Variants in RASAL2 observed in about 807,000 individuals in gnomAD.
RASAL2 encodes RAS protein activator like 2, also known as ras GTPase-activating protein nGAP.
RASAL2 carries 58 observed loss-of-function variants against 128.9 expected under a neutral mutation model. The ratio of observed to expected loss-of-function variants is 0.45; its 90% confidence interval spans 0.36 to 0.56. RASAL2 has a LOEUF of 0.56. RASAL2 is among the 20% of genes least tolerant of loss of function. RASAL2 has a pLI of 0.00. For synonymous variants in RASAL2, 561 were observed against 580.8 expected, an observed-to-expected ratio of 0.97 and a Z score of 0.49; for missense variants, 1,360 against 1,601.6, an observed-to-expected ratio of 0.85 and a Z score of 2.57.
At chr1:178,179,531 A>G (rs1662015504) in intron 1 of RASAL2, among the ~76,000 whole-genome samples, 1 of 152,200 alleles carries the variant, frequency 6.6e-6, no homozygotes, top group South Asian at 2.1e-4. Context: ...GGTAGTGAGC[A>G]AAGTTGAGGG....
At chr1:178,168,166 T>C (rs1308633827) in intron 1 of RASAL2, among the ~76,000 whole-genome samples, 2 of 152,028 alleles carry the variant, frequency 1.3e-5, no homozygotes, top group Non-Finnish European at 2.9e-5. Context: ...CTGTACACTT[T>C]TAAACTTAAA....
intron 1 of RASAL2, among the ~76,000 whole-genome samples, chr1:178,169,139 G>C (rs1450009573): frequency 6.6e-6 from 1 of 152,002 alleles, no homozygotes; most frequent in African/African-American, 2.4e-5. Flanking sequence ...TGTACCATTT[G>C]TCAATTTTCT....
intron 1 of RASAL2, among the ~76,000 whole-genome samples, chr1:178,236,411 A>G (rs1158476277): frequency 6.6e-6 from 1 of 152,174 alleles, no homozygotes; most frequent in Non-Finnish European, 1.5e-5. Context: ...GGATTTTAAG[A>G]GCTTAGACTA....
intron 9 of RASAL2, among the ~76,000 whole-genome samples, chr1:178,447,827 G>A (rs1677116192): frequency 6.6e-6 from 1 of 152,028 alleles, no homozygotes; most frequent in Non-Finnish European, 1.5e-5. Flanking sequence ...TTCAGTTTGT[G>A]GGAAGCAAGG....
chr1:178,340,995 G>C (rs571622263), intron 3 of RASAL2, among the ~76,000 whole-genome samples: 1 of 152,114 alleles, frequency 6.6e-6, no homozygotes, highest in Non-Finnish European at 1.5e-5. Flanking sequence ...AGATATTTCC[G>C]TTATGGTAAG....
intron 1 of RASAL2, among the ~76,000 whole-genome samples, chr1:178,098,413 CT>C (rs1280606729): frequency 2.6e-5 from 4 of 152,166 alleles, no homozygotes; most frequent in Non-Finnish European, 4.4e-5. Context: ...AGTCAATTGG[CT>C]GAAAAAGCTC....
At position 178,438,712 on chromosome 1, in the gene RASAL2, C is replaced by CT. The variant is rs898383672; in HGVS notation, c.675-702dup. On this transcript the variant is annotated intron_variant, in intron 5 of 17. Coordinates refer to ENST00000367649, the MANE Select transcript of RASAL2 (RefSeq NM_170692.4). ...TCTCTCTTCTAGATGAGAGTTTGGG[C>CT]TTTTTTTTCCATGCTGGGAGGTTTC... Among the ~76,000 whole-genome samples, 261 of 151,684 alleles carry CT rather than the reference C, an allele frequency of 1.7e-3. 1 individual carries two copies. Among genetic ancestry groups the CT allele is most frequent in the African/African-American group, 6.1e-3 (253 of 41,372 alleles).
intron 3 of RASAL2, among the ~76,000 whole-genome samples, chr1:178,346,332 T>G (rs1207850439): frequency 1.3e-5 from 2 of 151,144 alleles, no homozygotes; most frequent in African/African-American, 4.9e-5. Context: ...AGCCCAGGAA[T>G]CAAGACTGCA....
At chr1:178,151,657 C>T (rs1274974559) in intron 1 of RASAL2, among the ~76,000 whole-genome samples, 1 of 152,174 alleles carries the variant, frequency 6.6e-6, no homozygotes, top group Non-Finnish European at 1.5e-5. Flanking sequence ...CTCCAATGAT[C>T]CAAGGCTCCT....
In RASAL2 at chr1:178,202,138, C is replaced by T. The variant is rs576105420; in HGVS notation, c.203-81426C>T. Among the ~76,000 whole-genome samples the T allele has an allele frequency of 1.3e-4, 20 of 152,238 alleles. 1 individual carries two copies. Among genetic ancestry groups the T allele is most frequent in the Non-Finnish European group, 2.2e-4 (15 of 68,018 alleles). On this transcript the variant is annotated intron_variant, in intron 1 of 17. Coordinates refer to ENST00000367649, the MANE Select transcript of RASAL2 (RefSeq NM_170692.4). Reference sequence around the variant, plus strand: ...TGTGGTCCTCCAGTTAAAGTAGTGGCTTATGGAGGTCAGGTAATTAATGGA... The same window carrying T: ...TGTGGTCCTCCAGTTAAAGTAGTGGTTTATGGAGGTCAGGTAATTAATGGA...
intron 9 of RASAL2, among the ~76,000 whole-genome samples, chr1:178,447,560 G>A (rs2102867654): frequency 6.7e-6 from 1 of 149,962 alleles, no homozygotes; most frequent in African/African-American, 2.5e-5. Context: ...TGTAATCCCA[G>A]CTAAGGAGGC....
At chr1:178,098,366 G>A (rs1028291238) in intron 1 of RASAL2, among the ~76,000 whole-genome samples, 6 of 152,206 alleles carry the variant, frequency 3.9e-5, no homozygotes, top group East Asian at 3.8e-4. Flanking sequence ...AGCATCAAAT[G>A]CAGAACATTT....
chr1:178,466,929 T>C lies in RASAL2; in HGVS notation c.3591-405T>C, dbSNP rs778039070. Among the ~76,000 whole-genome samples the C allele has an allele frequency of 5.3e-5, 8 of 152,164 alleles. 1 individual carries two copies. The highest frequency in any genetic ancestry group is 7.4e-5 in the Non-Finnish European group (5 of 68,026). On this transcript the variant is annotated intron_variant, in intron 16 of 17. Transcript: ENST00000367649. ...TGTGAATGGCGGACAGAAAACAAGC[T>C]AAACATACTAGGTATAGAGTACTCA...
intron 1 of RASAL2, among the ~76,000 whole-genome samples, chr1:178,149,084 TA>T (rs1403481965): frequency 1.3e-5 from 2 of 152,154 alleles, no homozygotes; most frequent in Non-Finnish European, 2.9e-5. Context: ...ATGAATGATC[TA>T]AACCCATGTA....
At chr1:178,357,711 C>T (rs1229814032) in intron 3 of RASAL2, among the ~76,000 whole-genome samples, 16 of 152,066 alleles carry the variant, frequency 1.1e-4, no homozygotes, top group Admixed American at 6.6e-5. Context: ...CTTTCATACA[C>T]ATTTTTAAAT....
Position 178,283,797 on chromosome 1 carries a change from G to T in RASAL2, c.330+106G>T. The T allele has an allele frequency of 3.7e-6, 5 of 1,367,924 alleles. No homozygotes were observed. In the South Asian group the frequency reaches 5.1e-5, roughly 14 times the overall value. The allele number at this position is 1,367,924 out of a possible 1,614,324, so 84.7% of individuals were successfully genotyped here. ...GAAAAGTTGGATTATAAAAATAAAG[G>T]CTTGATGAAGATATAGGTAAGTCTA... On this transcript the variant is annotated intron_variant, in intron 2 of 17. Coordinates refer to ENST00000367649, the MANE Select transcript of RASAL2 (RefSeq NM_170692.4).
At position 178,465,984 on chromosome 1, in the gene RASAL2, A is replaced by G. The variant is rs376970415; in HGVS notation, c.3452A>G (p.Tyr1151Cys). The change falls in exon 16 of 18, where the codon TAT becomes TGT. Residue 1151 changes from tyrosine (Y) to cysteine (C), a missense_variant. Coordinates refer to ENST00000367649, the MANE Select transcript of RASAL2 (RefSeq NM_170692.4). Reference protein sequence around the residue: ...LRVSSRRLEEYERRLLVQEQQ... With the variant: ...LRVSSRRLEECERRLLVQEQQ... ...GTTTCCAGCCGGCGACTGGAGGAAT[A>G]TGAACGCCGCTTGCTGGTGCAGGAG... 1.9e-6 allele frequency: 3 copies of G among 1,558,442 alleles called. No homozygotes were observed. Among genetic ancestry groups the G allele is most frequent in the Non-Finnish European group, 2.6e-6 (3 of 1,150,196 alleles).
intron 1 of RASAL2, among the ~76,000 whole-genome samples, chr1:178,174,948 G>A (rs1661833499): frequency 6.6e-6 from 1 of 152,104 alleles, no homozygotes; most frequent in African/African-American, 2.4e-5. Flanking sequence ...TACCTAGGTT[G>A]CAAGAAGCTT....
At chr1:178,340,724 G>C (rs1669828589) in intron 3 of RASAL2, among the ~76,000 whole-genome samples, 1 of 151,988 alleles carries the variant, frequency 6.6e-6, no homozygotes, top group Admixed American at 6.6e-5. Context: ...CAGCTTCCAG[G>C]GGTCTAATAA....
Sources: gnomAD v4.1 joint callset for allele counts (sites outside exome capture counted in the v4.1 genomes callset) on GRCh38, gnomAD v4.1.1 for gene constraint, MANE v1.5 for transcripts, NCBI Gene and HGNC (gene_info 2026-07-23, HGNC 2026-07-21) for gene names.